The following GABPA variants were observed in gnomAD, a reference collection of about 807,000 sequenced individuals.
GABPA encodes GA binding protein transcription factor subunit alpha.
In GABPA, 4 loss-of-function variants were observed where a neutral mutation model predicts 59.4. That is an observed-to-expected ratio of 0.07 (90% CI 0.03 to 0.15). GABPA has a LOEUF of 0.15. Among genes scored for constraint, GABPA ranks in the 10% least tolerant of loss-of-function variants. GABPA has a pLI of 1.00. For synonymous variants in GABPA, 164 were observed against 183.1 expected (o/e 0.90, Z 0.84); for missense variants, 251 against 543.8 (o/e 0.46, Z 5.36).
chr21:25,740,770 T>G (rs528970060), intron 1 of GABPA, among the ~76,000 whole-genome samples: 1 of 152,360 alleles, frequency 6.6e-6, no homozygotes, highest in Non-Finnish European at 1.5e-5. Context: ...TGTTACTTTG[T>G]TTTGCTGTTT....
At chr21:25,764,149 A>ATT in intron 7 of GABPA, 61 bp from the exon 8 acceptor site, 140 of 1,078,384 alleles carry the variant, frequency 1.3e-4, no homozygotes, top group South Asian at 1.8e-4. Flanking sequence ...TCTTTCAGTA[A>ATT]TTTTTTTTTT....
At chr21:25,766,573 C>T (rs915149418) in intron 9 of GABPA, among the ~76,000 whole-genome samples, 1 of 151,778 alleles carries the variant, frequency 6.6e-6, no homozygotes, top group African/African-American at 2.4e-5. Flanking sequence ...ATCCAAATGG[C>T]CAATGAATAT....
intron 8 of GABPA, 40 bp downstream of exon 8, chr21:25,764,390 CTAAT>C (rs1294191391): frequency 3.3e-6 from 5 of 1,522,054 alleles, no homozygotes. Flanking sequence ...ATATATCTAT[CTAAT>C]TAGGTATATT....
chr21:25,765,698 AGTCTCAAACACATT>A (rs1437054222), intron 9 of GABPA, among the ~76,000 whole-genome samples: 3 of 151,938 alleles, frequency 2.0e-5, no homozygotes, highest in African/African-American at 7.2e-5. Context: ...TTTACCATTC[AGTCTCAAACACATT>A]GCCAACTGTC....
rs1404071562 is a variant in GABPA at position 25,771,581 on chromosome 21, GGT to G, written c.*2350_*2351del. On this transcript the variant is annotated 3_prime_UTR_variant, in exon 10 of 10. Coordinates refer to ENST00000400075, the MANE Select transcript of GABPA (RefSeq NM_002040.4). ...TTACTTAGGTTACAGTTATCAGAAA[GGT>G]AGTTTTTTTCTTCTATTAAAATATA... 1 of 151,578 alleles carries G rather than the reference GGT, an allele frequency of 6.6e-6. No individual in the cohort carries two copies. The highest frequency in any genetic ancestry group is 2.4e-5 in the African/African-American group (1 of 41,328). The allele number at this position is 151,578 out of a possible 1,614,324, so 9.4% of individuals were successfully genotyped here.
intron 5 of GABPA, among the ~76,000 whole-genome samples, chr21:25,752,977 T>C (rs940532461): frequency 9.9e-5 from 15 of 152,086 alleles, no homozygotes; most frequent in African/African-American, 3.6e-4. Flanking sequence ...TTGACAGATT[T>C]TATGAGGGTA....
At chr21:25,764,137 T>C in intron 7 of GABPA, 73 bp from the exon 8 acceptor site, 2 of 1,327,878 alleles carry the variant, frequency 1.5e-6, no homozygotes, top group Non-Finnish European at 2.1e-6. Context: ...AAAGTGATAA[T>C]GTCTTTCAGT....
Position 25,770,877 on chromosome 21 carries a change from T to C in GABPA, c.*1645T>C, listed in dbSNP as rs1180713709. On this transcript the variant is annotated 3_prime_UTR_variant, in exon 10 of 10. Coordinates refer to ENST00000400075, the MANE Select transcript of GABPA (RefSeq NM_002040.4). ...ACATGTTCTCAATTCATTCATATTA[T>C]TAAGCTCTTCCTGCAGTTGATATCT... 5 of 152,088 alleles carry C rather than the reference T, an allele frequency of 3.3e-5. No homozygotes were observed. Among genetic ancestry groups the C allele is most frequent in the African/African-American group, 1.2e-4 (5 of 41,458 alleles). 9.4% of individuals were successfully genotyped at this position (152,088 alleles called of 1,614,324 possible). A position where few individuals can be genotyped will look rare whatever the true frequency, so the allele number is the denominator to read the frequency against.
At chr21:25,741,779 C>G in intron 2 of GABPA, 104 bp downstream of exon 2, 1 of 673,946 alleles carries the variant, frequency 1.5e-6, no homozygotes, top group Non-Finnish European at 2.5e-6. Context: ...TTTAACTGTT[C>G]TCAGTATTTT....
intron 1 of GABPA, among the ~76,000 whole-genome samples, chr21:25,739,678 C>T (rs954498259): frequency 6.6e-6 from 1 of 152,196 alleles, no homozygotes; most frequent in African/African-American, 2.4e-5. Flanking sequence ...TGCAGTGGCA[C>T]GATCATCATT....
intron 6 of GABPA, among the ~76,000 whole-genome samples, chr21:25,759,553 T>G (rs1019863551): frequency 5.9e-5 from 9 of 152,158 alleles, no homozygotes; most frequent in Admixed American, 5.9e-4. Context: ...GAGAGAGGCA[T>G]TTCTTAATTG....
At chr21:25,746,168 C>T (rs1333448932) in intron 3 of GABPA, among the ~76,000 whole-genome samples, 3 of 152,002 alleles carry the variant, frequency 2.0e-5, no homozygotes, top group Non-Finnish European at 4.4e-5. Flanking sequence ...GCCGATGCTT[C>T]CACACCTGGC....
chr21:25,757,528 G>A (rs1016989631), intron 5 of GABPA, among the ~76,000 whole-genome samples: 7 of 152,088 alleles, frequency 4.6e-5, no homozygotes, highest in African/African-American at 1.2e-4. Context: ...CATCATAAGG[G>A]TAAATGCAGG....
Position 25,752,227 on chromosome 21 carries a change from A to T in GABPA, c.546A>T (p.Ile182=). 6.2e-7 allele frequency: 1 copy of T among 1,613,230 alleles called. No homozygotes were observed. The highest frequency in any genetic ancestry group is 1.1e-5 in the South Asian group (1 of 91,054). The part of the protein sequence containing the change: ...GYRKEQERLG[I]PYDPIQWSTD... Reference sequence around the variant, plus strand: ...GGAAAGAACAAGAACGCCTTGGGATACCCTATGGTAATAAAATGCATAATT... The same window carrying T: ...GGAAAGAACAAGAACGCCTTGGGATTCCCTATGGTAATAAAATGCATAATT... Residue 182 remains isoleucine (I), a synonymous_variant, in exon 5 of 10, where the codon ATA becomes ATT. Coordinates refer to ENST00000400075, the MANE Select transcript of GABPA (RefSeq NM_002040.4).
chr21:25,740,671 G>A (rs1475904132), intron 1 of GABPA, among the ~76,000 whole-genome samples: 1 of 152,048 alleles, frequency 6.6e-6, no homozygotes, highest in African/African-American at 2.4e-5. Context: ...CTGAAGTAGT[G>A]GTCTGTTTAA....
At chr21:25,746,908 G>A (rs1042094568) in intron 3 of GABPA, among the ~76,000 whole-genome samples, 1 of 152,178 alleles carries the variant, frequency 6.6e-6, no homozygotes, top group African/African-American at 2.4e-5. Context: ...CCAAAAATGA[G>A]ATTTGATAGA....
chr21:25,735,616 C>T (rs536528775), intron 1 of GABPA, 38 bp downstream of exon 1: 1 of 152,628 alleles, frequency 6.6e-6, no homozygotes, highest in Non-Finnish European at 1.5e-5. Context: ...AGCGCGGGCC[C>T]TCGCGGGCCG....
intron 3 of GABPA, among the ~76,000 whole-genome samples, chr21:25,745,839 T>C (rs1024555621): frequency 6.6e-6 from 1 of 152,174 alleles, no homozygotes; most frequent in African/African-American, 2.4e-5. Context: ...ATTTTACCCA[T>C]GGTAGTAGTA....
intron 2 of GABPA, among the ~76,000 whole-genome samples, chr21:25,743,584 CTT>C (rs58148744): frequency 8.0e-4 from 108 of 134,688 alleles, no homozygotes; most frequent in African/African-American, 9.7e-4. Context: ...ATGAGATCAT[CTT>C]TTTTTTTTTT....
Sources: gnomAD v4.1 joint callset for allele counts (sites outside exome capture counted in the v4.1 genomes callset) on GRCh38, gnomAD v4.1.1 for gene constraint, MANE v1.5 for transcripts, NCBI Gene and HGNC (gene_info 2026-07-23, HGNC 2026-07-21) for gene names.